ANKRD30BL: variants seen among roughly 807,000 people sequenced by gnomAD.
ANKRD30BL encodes ankyrin repeat domain 30B like.
In ANKRD30BL, 20 loss-of-function variants were observed where a neutral mutation model predicts 18.4. The ratio of observed to expected loss-of-function variants is 1.09; its 90% CI spans 0.77 to 1.58. ANKRD30BL has a LOEUF of 1.58. ANKRD30BL is among the 40% of genes most tolerant of loss of function. The probability of loss-of-function intolerance (pLI) is 0.00; values close to 1 mark genes in which losing one functional copy is unlikely to be tolerated. For synonymous variants in ANKRD30BL, 72 were observed against 100.9 expected, an observed-to-expected ratio of 0.71 and a Z score of 1.72; for missense variants, 224 against 268.6, an observed-to-expected ratio of 0.83 and a Z score of 1.16.
chr2:132,240,369 T>G (rs1019721281), intron 1 of ANKRD30BL, among the ~76,000 whole-genome samples: 57 of 152,022 alleles, frequency 3.7e-4, no homozygotes, highest in African/African-American at 1.3e-3. Flanking sequence ...TTGTGATGTT[T>G]GCATTCAACT....
chr2:132,163,337 G>C (rs1434964073), upstream of ANKRD30BL, among the ~76,000 whole-genome samples: 3 of 152,072 alleles, frequency 2.0e-5, no homozygotes, highest in Non-Finnish European at 4.4e-5. Context: ...TGTGGCCCCA[G>C]CTACTTGGGA....
At chr2:132,257,342 C>G (rs1176632019) in intron 1 of ANKRD30BL, among the ~76,000 whole-genome samples, 1 of 152,220 alleles carries the variant, frequency 6.6e-6, no homozygotes, top group Admixed American at 6.5e-5. Context: ...CGGAACGGGT[C>G]ACAAGCCGGA....
chr2:132,161,446 T>G (rs1297494968), intron 1 of ANKRD30BL, 42 bp downstream of exon 1: 2 of 1,353,804 alleles, frequency 1.5e-6, no homozygotes, highest in Non-Finnish European at 2.0e-6. Context: ...TCCCACAGCC[T>G]CCTCCTCCTC....
chr2:132,229,164 A>C (rs113172540), intron 1 of ANKRD30BL, among the ~76,000 whole-genome samples: 1 of 152,114 alleles, frequency 6.6e-6, no homozygotes, highest in African/African-American at 2.4e-5. Context: ...TGATGTGTGC[A>C]TTCAACCCCC....
At chr2:132,198,806 C>A (rs1335488189) in intron 1 of ANKRD30BL, among the ~76,000 whole-genome samples, 1 of 151,870 alleles carries the variant, frequency 6.6e-6, no homozygotes, top group Non-Finnish European at 1.5e-5. Context: ...TTAGTAGAGA[C>A]GACGTTTCGC....
chr2:132,230,627 A>T lies in ANKRD30BL; in HGVS notation n.441+26902T>A, dbSNP rs202196642. On this transcript the variant is annotated intron_variant and non_coding_transcript_variant, in intron 1 of 4. Coordinates refer to the ANKRD30BL transcript ENST00000470729. Reference sequence around the variant, plus strand: ...ATATTTGGACCGCATTGAGGCCTTCATTGGAAACGGGAATAACTTCACATA... The same window carrying T: ...ATATTTGGACCGCATTGAGGCCTTCTTTGGAAACGGGAATAACTTCACATA... 2.0e-4 allele frequency among the ~76,000 whole-genome samples: 31 copies of T among 151,852 alleles called. 1 individual carries two copies. Among genetic ancestry groups the T allele is most frequent in the Middle Eastern group, 3.4e-3 (1 of 294 alleles).
Position 132,214,276 on chromosome 2 carries a change from C to T in ANKRD30BL, n.441+43253G>A, listed in dbSNP as rs570306954. Among the ~76,000 whole-genome samples, 21 of 152,038 alleles carry T rather than the reference C, an allele frequency of 1.4e-4. 1 individual carries two copies. Among genetic ancestry groups the T allele is most frequent in the East Asian group, 5.8e-4 (3 of 5,176 alleles). ...TTTTGAAACACTCTTTTTGTAGAAT[C>T]GGCAAGTGGATATTTAGAGAGCTTT... On this transcript the variant is annotated intron_variant and non_coding_transcript_variant, in intron 1 of 4. Transcript: ENST00000470729.
intron 1 of ANKRD30BL, among the ~76,000 whole-genome samples, chr2:132,157,716 A>G (rs1283458462): frequency 6.6e-6 from 1 of 152,162 alleles, no homozygotes. Flanking sequence ...CTCTGCCTCA[A>G]TTTTCTCATC....
intron 1 of ANKRD30BL, among the ~76,000 whole-genome samples, chr2:132,240,319 T>A (rs574498970): frequency 6.6e-6 from 1 of 151,648 alleles, no homozygotes; most frequent in South Asian, 2.1e-4. Context: ...AAGGGGAATA[T>A]CTTCGCATAA....
chr2:132,190,534 T>A (rs1678825436), intron 1 of ANKRD30BL, among the ~76,000 whole-genome samples: 2 of 151,482 alleles, frequency 1.3e-5, no homozygotes, highest in African/African-American at 4.9e-5. Flanking sequence ...TAGTTGTAGG[T>A]CAAGTCCCTT....
At chr2:132,256,475 G>C (rs1680842125) in intron 1 of ANKRD30BL, among the ~76,000 whole-genome samples, 1 of 152,252 alleles carries the variant, frequency 6.6e-6, no homozygotes, top group Non-Finnish European at 1.5e-5. Context: ...CTCATGCGCG[G>C]AGGGCGCGGG....
intron 1 of ANKRD30BL, among the ~76,000 whole-genome samples, chr2:132,191,515 G>T (rs1400505558): frequency 1.3e-5 from 2 of 152,062 alleles, no homozygotes; most frequent in Non-Finnish European, 2.9e-5. Flanking sequence ...ATAATTCAGG[G>T]TGTTGTATGT....
At chr2:132,250,359 G>T (rs74714491) in intron 1 of ANKRD30BL, among the ~76,000 whole-genome samples, 1 of 152,088 alleles carries the variant, frequency 6.6e-6, no homozygotes, top group Non-Finnish European at 1.5e-5. Flanking sequence ...GCCTCAAAGC[G>T]CTCATAAATA....
intron 1 of ANKRD30BL, among the ~76,000 whole-genome samples, chr2:132,242,816 C>T (rs202124338): frequency 0.059 from 9,005 of 151,736 alleles, 327 homozygotes; most frequent in South Asian, 0.13. Flanking sequence ...TTGAAACACT[C>T]TTTTTGTAGA....
chr2:132,222,633 G>A (rs1431552614), intron 1 of ANKRD30BL, among the ~76,000 whole-genome samples: 1 of 151,776 alleles, frequency 6.6e-6, no homozygotes, highest in Non-Finnish European at 1.5e-5. Flanking sequence ...GATGCTTGAA[G>A]GCAGCATGCT....
intron 1 of ANKRD30BL, among the ~76,000 whole-genome samples, chr2:132,177,459 T>C (rs1353574922): frequency 1.3e-5 from 2 of 152,228 alleles, no homozygotes; most frequent in Non-Finnish European, 2.9e-5. Context: ...GTTGTGCCTA[T>C]ATTTTTAAAA....
At chr2:132,214,536 T>G (rs928514242) in intron 1 of ANKRD30BL, among the ~76,000 whole-genome samples, 2 of 151,914 alleles carry the variant, frequency 1.3e-5, no homozygotes, top group African/African-American at 4.8e-5. Context: ...TCTGTCAAAC[T>G]ACTTTGTGAT....
intron 1 of ANKRD30BL, among the ~76,000 whole-genome samples, chr2:132,204,224 T>G (rs1195375113): frequency 6.6e-6 from 1 of 151,976 alleles, no homozygotes; most frequent in East Asian, 1.9e-4. Context: ...GTGTGTATCT[T>G]TGAAGGAACA....
intron 1 of ANKRD30BL, among the ~76,000 whole-genome samples, chr2:132,230,391 A>T (rs1279064274): frequency 6.6e-6 from 1 of 151,978 alleles, no homozygotes; most frequent in African/African-American, 2.4e-5. Flanking sequence ...CCTTTGATAG[A>T]GCAGTTTTGA....
Sources: allele counts gnomAD v4.1 joint callset (sites outside exome capture counted in the v4.1 genomes callset), GRCh38; gene constraint gnomAD v4.1.1; transcripts MANE v1.5; gene names NCBI Gene and HGNC (gene_info 2026-07-23, HGNC 2026-07-21).